Variants in CTNS observed in about 807,000 individuals in gnomAD.
CTNS encodes cystinosin.
In CTNS, 27 loss-of-function variants were observed where a neutral mutation model predicts 43.7. The observed-to-expected ratio is 0.62, with a 90% confidence interval of 0.46 to 0.85. The LOEUF (loss-of-function observed/expected upper bound fraction) is 0.85. CTNS is among the 40% of genes least tolerant of loss of function. CTNS has a pLI of 0.00. For missense variants in CTNS, 457 were observed against 475.4 expected (o/e 0.96, Z 0.36); for synonymous variants, 187 against 190.6 (o/e 0.98, Z 0.16).
upstream of CTNS, chr17:3,636,552 C>G (rs534946329): frequency 3.3e-4 from 98 of 292,938 alleles, 1 homozygote; most frequent in Middle Eastern, 3.0e-3. Flanking sequence ...CTCTGTGTCC[C>G]TGGCAGCGGA....
At position 3,657,993 on chromosome 17, in the gene CTNS, T is replaced by C. The variant is rs773824604; in HGVS notation, c.682-12T>C. ...GTGTGGGTCCACATCTCTGCCCTCC[T>C]CTCGCCCCCAGCGCGGTGGCCAGCG... is the stretch of plus-strand genomic sequence containing the variant. On this transcript the variant is annotated splice_polypyrimidine_tract_variant and intron_variant, in intron 9 of 11. Coordinates refer to ENST00000046640, the MANE Select transcript of CTNS (RefSeq NM_004937.3). 3.1e-6 allele frequency: 5 copies of C among 1,606,764 alleles called. No individual in the cohort carries two copies. The highest frequency in any genetic ancestry group is 4.2e-6 in the Non-Finnish European group (5 of 1,179,826).
chr17:3,641,455 G>A (rs184815748), intron 3 of CTNS, among the ~76,000 whole-genome samples: 3 of 133,432 alleles, frequency 2.2e-5, no homozygotes, highest in East Asian at 2.3e-4. Flanking sequence ...GCAGTGGCAC[G>A]ATCTCAGCCC....
chr17:3,655,802 G>C (rs553832545), intron 7 of CTNS: 3 of 250,614 alleles, frequency 1.2e-5, no homozygotes, highest in East Asian at 2.0e-4. Context: ...GGCAAGCAGA[G>C]AGCCGGGAGG....
Position 3,662,513 on chromosome 17 carries a change from A to G in CTNS, c.*2144A>G, listed in dbSNP as rs923519501. Among the ~76,000 whole-genome samples, 7 of 151,982 alleles carry G rather than the reference A, an allele frequency of 4.6e-5. No individual in the cohort carries two copies. The highest frequency in any genetic ancestry group is 1.7e-4 in the African/African-American group (7 of 41,390). ...GGATACACGGAGTGCCCTTATAGGC[A>G]GGGAGTCTTATAGGCAGGGGTCTCT... On this transcript the variant is annotated 3_prime_UTR_variant, in exon 12 of 12. Transcript: ENST00000046640.
chr17:3,656,561 G>A lies in CTNS; in HGVS notation c.536G>A (p.Gly179Asp). ...GFVAYSVFNIGLLWVPYIKEQ... is the reference protein window; with the variant it reads ...GFVAYSVFNIDLLWVPYIKEQ... ...GTGGCCTACAGTGTATTCAACATCG[G>A]CCTCCTCTGGGTGCCCTACATCAAG... Residue 179 changes from glycine to aspartate, a missense_variant, in exon 8 of 12, where the codon GGC (glycine) becomes GAC (aspartate). Coordinates refer to ENST00000046640, the MANE Select transcript of CTNS (RefSeq NM_004937.3). The A allele has an allele frequency of 6.2e-7, 1 of 1,610,430 alleles. No individual in the cohort carries two copies. Among genetic ancestry groups the A allele is most frequent in the Non-Finnish European group, 8.5e-7 (1 of 1,179,324 alleles).
At chr17:3,650,426 G>T in intron 5 of CTNS, 1 of 1,422,496 alleles carries the variant, frequency 7.0e-7, no homozygotes, top group Non-Finnish European at 9.5e-7. Context: ...AGGCTGCAGT[G>T]AGCCATGACT....
chr17:3,640,174 G>C lies in CTNS; in HGVS notation c.-19-14G>C. 2 of 1,606,058 alleles carry C rather than the reference G, an allele frequency of 1.2e-6. No homozygotes were observed. The highest frequency in any genetic ancestry group is 2.2e-5 in the East Asian group (1 of 44,832). Reference sequence around the variant, plus strand: ...CATTCCCCTGAACTTCTCTCTTGCTGTTTTTCTTCCTAGTTCTGAGAAATC... The same window carrying C: ...CATTCCCCTGAACTTCTCTCTTGCTCTTTTTCTTCCTAGTTCTGAGAAATC... On this transcript the variant is annotated splice_polypyrimidine_tract_variant and intron_variant, in intron 2 of 11. Coordinates refer to ENST00000046640, the MANE Select transcript of CTNS (RefSeq NM_004937.3).
intron 9 of CTNS, among the ~76,000 whole-genome samples, chr17:3,657,192 G>A (rs765732745): frequency 2.6e-5 from 4 of 152,174 alleles, no homozygotes; most frequent in Non-Finnish European, 5.9e-5. Context: ...TGGAGGAGGG[G>A]AGGGGCCAGG....
At chr17:3,638,287 G>A (rs1209875107) in intron 2 of CTNS, among the ~76,000 whole-genome samples, 1 of 151,492 alleles carries the variant, frequency 6.6e-6, no homozygotes, top group African/African-American at 2.4e-5. Context: ...ACTCAGGCTG[G>A]AGTGCAATGG....
At chr17:3,640,097 G>C in intron 2 of CTNS, 91 bp from the exon 3 acceptor site, 1 of 1,035,348 alleles carries the variant, frequency 9.7e-7, no homozygotes, top group South Asian at 1.3e-5. Context: ...TCCTTTATGA[G>C]CCATCCATGC....
intron 5 of CTNS, chr17:3,650,214 G>A (rs1430186339): frequency 6.4e-7 from 1 of 1,550,540 alleles, no homozygotes; most frequent in South Asian, 1.2e-5. Context: ...GATGAGATCA[G>A]TAGCCATGAG....
chr17:3,655,049 A>T lies in CTNS; in HGVS notation c.277A>T (p.Asn93Tyr), dbSNP rs757673264. The change falls in exon 6 of 12, where the codon AAT (asparagine) becomes TAT (tyrosine). Residue 93 changes from asparagine to tyrosine, a missense_variant. Coordinates refer to ENST00000046640, the MANE Select transcript of CTNS (RefSeq NM_004937.3). ...CTCCTCTTTTCAAGTGACATCTCAAAATGTTGGACAACTTACTGTTTATCT... is the reference window on the plus strand; with the variant it reads ...CTCCTCTTTTCAAGTGACATCTCAATATGTTGGACAACTTACTGTTTATCT... ...TNSSFQVTSQ[N>Y]VGQLTVYLHG... 14 of 1,614,052 alleles carry T rather than the reference A, an allele frequency of 8.7e-6. No individual in the cohort carries two copies. Among genetic ancestry groups the T allele is most frequent in the Non-Finnish European group, 1.1e-5 (13 of 1,180,006 alleles).
At chr17:3,638,226 G>GTTT (rs755987456) in intron 2 of CTNS, among the ~76,000 whole-genome samples, 2 of 148,920 alleles carry the variant, frequency 1.3e-5, no homozygotes, top group Admixed American at 6.7e-5. Flanking sequence ...TATCAATCTG[G>GTTT]TTTTTTTTTT....
At chr17:3,653,937 C>T (rs1010947717) in intron 5 of CTNS, among the ~76,000 whole-genome samples, 2 of 152,104 alleles carry the variant, frequency 1.3e-5, no homozygotes, top group African/African-American at 4.8e-5. Flanking sequence ...GGCAGGCCTC[C>T]GGGTACTTTC....
Position 3,638,236 on chromosome 17 carries a change from TG to T in CTNS, c.-20+921del, listed in dbSNP as rs1014517976. ...GTAATTATCAATCTGGTTTTTTTTT[TG>T]TTTTTTTTTTTTAATTTGAGACGGA... On this transcript the variant is annotated intron_variant, in intron 2 of 11. Transcript: ENST00000046640. 7.9e-4 allele frequency among the ~76,000 whole-genome samples: 40 copies of T among 50,778 alleles called. 1 individual carries two copies. Among genetic ancestry groups the T allele is most frequent in the Admixed American group, 1.1e-3 (6 of 5,246 alleles). The allele number at this position is 50,778 out of a possible 152,430, so 33.3% of individuals were successfully genotyped here.
intron 9 of CTNS, among the ~76,000 whole-genome samples, chr17:3,657,306 G>A (rs1281537795): frequency 1.3e-5 from 2 of 152,160 alleles, no homozygotes; most frequent in South Asian, 2.1e-4. Context: ...GGGGGCCCGC[G>A]TGCAGGCGGA....
At chr17:3,638,302 A>G (rs1252988028) in intron 2 of CTNS, among the ~76,000 whole-genome samples, 2 of 151,450 alleles carry the variant, frequency 1.3e-5, no homozygotes, top group Non-Finnish European at 2.9e-5. Context: ...CAATGGTGCA[A>G]TCTCGGCTCA....
intron 10 of CTNS, among the ~76,000 whole-genome samples, chr17:3,659,408 G>C (rs1277701826): frequency 6.6e-6 from 1 of 152,226 alleles, no homozygotes; most frequent in Non-Finnish European, 1.5e-5. Context: ...AAGACAGCAG[G>C]CTCCGGTGAT....
At chr17:3,651,333 G>A (rs1472203786) in intron 5 of CTNS, among the ~76,000 whole-genome samples, 2 of 152,106 alleles carry the variant, frequency 1.3e-5, no homozygotes, top group African/African-American at 2.4e-5. Context: ...GGCCTCAGGC[G>A]ATCCGCCCAC....
Sources: gnomAD v4.1 joint callset for allele counts (sites outside exome capture counted in the v4.1 genomes callset) on GRCh38, gnomAD v4.1.1 for gene constraint, MANE v1.5 for transcripts, NCBI Gene and HGNC (gene_info 2026-07-23, HGNC 2026-07-21) for gene names.